The following POMT2 variants were observed in gnomAD, a reference collection of about 807,000 sequenced individuals.
POMT2 encodes protein O-mannosyl-transferase 2.
Under a neutral mutation model 100.0 loss-of-function variants are expected in POMT2, and 75 were observed. That is an observed-to-expected ratio of 0.75 (90% CI 0.62 to 0.91). The LOEUF is 0.91. POMT2 is among the 40% of genes least tolerant of loss of function. The pLI is 0.00. For synonymous variants in POMT2, 378 were observed against 374.1 expected, an observed-to-expected ratio of 1.01 and a Z score of -0.12; for missense variants, 940 against 955.1, an observed-to-expected ratio of 0.98 and a Z score of 0.21.
intron 11 of POMT2, chr14:77,287,974 C>G (rs1890496609): frequency 6.6e-6 from 1 of 152,366 alleles, no homozygotes; most frequent in African/African-American, 2.4e-5. Flanking sequence ...TTAGCTGGGT[C>G]CTAAAGTGGA....
intron 5 of POMT2, 62 bp from the exon 6 acceptor site, chr14:77,301,311 G>A: frequency 2.5e-6 from 4 of 1,595,090 alleles, no homozygotes; most frequent in Non-Finnish European, 3.4e-6. Context: ...CGCAAGCGCA[G>A]CAGGGGACAG....
chr14:77,319,556 G>A (rs1368709246), intron 1 of POMT2: 4 of 152,210 alleles, frequency 2.6e-5, no homozygotes, highest in Non-Finnish European at 5.9e-5. Context: ...AAGAGGCAGT[G>A]TCTCCCTCCA....
chr14:77,314,760 T>C (rs1891568404), intron 1 of POMT2, among the ~76,000 whole-genome samples: 1 of 152,214 alleles, frequency 6.6e-6, no homozygotes, highest in South Asian at 2.1e-4. Context: ...CAAAAGGCAA[T>C]ATGGATATGG....
intron 10 of POMT2, among the ~76,000 whole-genome samples, chr14:77,289,339 C>T (rs528213882): frequency 9.1e-4 from 138 of 151,466 alleles, no homozygotes; most frequent in Admixed American, 2.2e-3. Flanking sequence ...TGCAGTAAGC[C>T]GAGATTGCGC....
chr14:77,291,564 G>C (rs1890643660), intron 9 of POMT2, 184 bp from the exon 10 acceptor site: 1 of 726,194 alleles, frequency 1.4e-6, no homozygotes, highest in Non-Finnish European at 2.3e-6. Context: ...TGGTGAGTGA[G>C]ATTCTCTCCT....
chr14:77,307,513 C>T (rs1891265983), intron 2 of POMT2, among the ~76,000 whole-genome samples: 1 of 152,214 alleles, frequency 6.6e-6, no homozygotes, highest in African/African-American at 2.4e-5. Flanking sequence ...GCTAGATGAA[C>T]TAAAGCTGCC....
intron 18 of POMT2, 112 bp downstream of exon 18, chr14:77,279,699 GATAAGGGAAGGT>G: frequency 1.0e-6 from 1 of 961,904 alleles, no homozygotes; most frequent in Non-Finnish European, 1.6e-6. Flanking sequence ...AAAAGCAAAG[GATAAGGGAAGGT>G]GTGGGGTGGT....
At position 77,306,476 on chromosome 14, in the gene POMT2, C is replaced by G. The variant is rs199713056; in HGVS notation, c.334-35G>C. On this transcript the variant is annotated intron_variant, in intron 2 of 20. Coordinates refer to ENST00000261534, the MANE Select transcript of POMT2 (RefSeq NM_013382.7). ...GAAGAACAAACAAAAAGATGAGAAG[C>G]CTTTGGGAGAAGATTCCTCTGTCCT... The G allele has an allele frequency of 3.6e-4, 572 of 1,607,556 alleles. 1 individual carries two copies. In the African/African-American group the frequency reaches 6.8e-3, roughly 19 times the overall value.
intron 4 of POMT2, among the ~76,000 whole-genome samples, chr14:77,304,359 G>T (rs1011219708): frequency 1.3e-4 from 20 of 152,168 alleles, no homozygotes; most frequent in Non-Finnish European, 2.8e-4. Flanking sequence ...AGCAAAATTA[G>T]AATTATAAGC....
rs1890537759 is a variant in POMT2, at chr14:77,288,842, G to C, written c.1184-11C>G. ...AAGGGTCTAGGGGATCTGCCAAAAAGAAACAAGCATTGATATCCAAAATCA... is the reference window on the plus strand; with the variant it reads ...AAGGGTCTAGGGGATCTGCCAAAAACAAACAAGCATTGATATCCAAAATCA... On this transcript the variant is annotated splice_polypyrimidine_tract_variant and intron_variant, in intron 10 of 20. Transcript: ENST00000261534. 6.2e-7 allele frequency: 1 copy of C among 1,613,120 alleles called. No individual in the cohort carries two copies. The highest frequency in any genetic ancestry group is 1.3e-5 in the African/African-American group (1 of 74,840).
chr14:77,318,487 T>C (rs1891707181), intron 1 of POMT2, among the ~76,000 whole-genome samples: 1 of 152,190 alleles, frequency 6.6e-6, no homozygotes, highest in Admixed American at 6.5e-5. Context: ...ATGCGGCTGA[T>C]ACAAATCACA....
At position 77,277,468 on chromosome 14, in the gene POMT2, G is replaced by A. The variant is rs2140157155; in HGVS notation, c.2161C>T (p.His721Tyr). Residue 721 changes from histidine (H) to tyrosine (Y), a missense_variant, in exon 21 of 21, where the codon CAC becomes TAC. Coordinates refer to ENST00000261534, the MANE Select transcript of POMT2 (RefSeq NM_013382.7). ...CCAACCATCCCGTAAGCCAGAGGGT[G>A]GAAGAGGTAGAAGCTGTGAGAGAGA... Reference protein sequence around the residue: ...LGTAYSFYLFHPLAYGMVGPL... With the variant: ...LGTAYSFYLFYPLAYGMVGPL... The A allele has an allele frequency of 6.2e-7, 1 of 1,613,152 alleles. No homozygotes were observed. The highest frequency in any genetic ancestry group is 1.1e-5 in the South Asian group (1 of 91,056).
chr14:77,276,466 C>A lies in POMT2; in HGVS notation c.*910G>T, dbSNP rs762946655. The A allele has an allele frequency of 3.9e-5, 6 of 152,606 alleles. No individual in the cohort carries two copies. Among genetic ancestry groups the A allele is most frequent in the Non-Finnish European group, 8.8e-5 (6 of 68,174 alleles). The allele number at this position is 152,606 out of a possible 1,614,324, so 9.5% of individuals were successfully genotyped here. ...TGCCCTGTCTCTCATCTACCTTGGG[C>A]GCTAAGCAAGGTTCCCATGGGCTCT... is the stretch of plus-strand genomic sequence containing the variant. On this transcript the variant is annotated 3_prime_UTR_variant, in exon 21 of 21. Coordinates refer to ENST00000261534, the MANE Select transcript of POMT2 (RefSeq NM_013382.7).
intron 3 of POMT2, among the ~76,000 whole-genome samples, chr14:77,305,100 G>C (rs999417068): frequency 2.6e-5 from 4 of 152,148 alleles, no homozygotes; most frequent in African/African-American, 9.7e-5. Flanking sequence ...TACACACCAG[G>C]AATAGAGAGA....
rs1261175200 is a variant in POMT2, at chr14:77,298,745, G to A, written c.950C>T (p.Ser317Phe). Residue 317 changes from serine (S) to phenylalanine (F), a missense_variant, in exon 8 of 21, where the codon TCT (serine) becomes TTT (phenylalanine). By Grantham distance (155) the Ser-to-Phe change is radical. Transcript: ENST00000261534. ...CCCTGAAAGCCGGGCCTGGAAGGCA[G>A]AACTGAAGAAACCGTCACCAGGGCC... Reference protein sequence around the residue: ...KSGPGDGFFSSAFQARLSGNN... With the variant: ...KSGPGDGFFSFAFQARLSGNN... 2 of 1,613,484 alleles carry A rather than the reference G, an allele frequency of 1.2e-6. No homozygotes were observed. Among genetic ancestry groups the A allele is most frequent in the African/African-American group, 1.3e-5 (1 of 75,060 alleles).
chr14:77,277,921 G>A (rs534158473), intron 20 of POMT2, among the ~76,000 whole-genome samples: 9 of 116,082 alleles, frequency 7.8e-5, no homozygotes, highest in Middle Eastern at 7.9e-3. Context: ...CACCCCACCC[G>A]TCGAGAGCTC....
At chr14:77,309,115 G>C (rs1347574541) in intron 2 of POMT2, among the ~76,000 whole-genome samples, 5 of 152,176 alleles carry the variant, frequency 3.3e-5, no homozygotes, top group Admixed American at 1.3e-4. Context: ...AAAAAGAATT[G>C]TGTGTATATA....
At chr14:77,312,884 C>A (rs1017662327) in intron 1 of POMT2, among the ~76,000 whole-genome samples, 1 of 152,178 alleles carries the variant, frequency 6.6e-6, no homozygotes, top group African/African-American at 2.4e-5. Flanking sequence ...TGTGATCTGG[C>A]TGATCTTATA....
At chr14:77,299,344 G>C in intron 7 of POMT2, 111 bp downstream of exon 7, 1 of 934,926 alleles carries the variant, frequency 1.1e-6, no homozygotes, top group Non-Finnish European at 1.7e-6. Flanking sequence ...AGCCCCTGGG[G>C]TCCCTCACCT....
Sources: allele counts gnomAD v4.1 joint callset (sites outside exome capture counted in the v4.1 genomes callset), GRCh38; gene constraint gnomAD v4.1.1; transcripts MANE v1.5; gene names NCBI Gene and HGNC (gene_info 2026-07-23, HGNC 2026-07-21).